SPON1: variants seen among roughly 807,000 people sequenced by gnomAD.
SPON1 encodes spondin-1.
Under a neutral mutation model 111.7 loss-of-function variants are expected in SPON1, and 52 were observed. The ratio of observed to expected loss-of-function variants is 0.47; its 90% CI spans 0.37 to 0.59. SPON1 has a LOEUF of 0.59. Ranked by LOEUF, SPON1 falls within the 20% of genes least tolerant of loss-of-function variation. The pLI is 0.00. For synonymous variants in SPON1, 410 were observed against 395.8 expected (o/e 1.04, Z -0.43); for missense variants, 957 against 1,068.5 (o/e 0.90, Z 1.46).
chr11:13,980,997 T>C (rs1848139575), intron 1 of SPON1, among the ~76,000 whole-genome samples: 1 of 152,210 alleles, frequency 6.6e-6, no homozygotes, highest in African/African-American at 2.4e-5. Flanking sequence ...AGTCTGTAAC[T>C]CCATATCTAA....
chr11:14,258,140 CA>C (rs1299630286), intron 11 of SPON1, among the ~76,000 whole-genome samples: 4 of 152,254 alleles, frequency 2.6e-5, no homozygotes, highest in Non-Finnish European at 4.4e-5. Flanking sequence ...GAAGAGCTAA[CA>C]AACATAGATA....
intron 5 of SPON1, among the ~76,000 whole-genome samples, chr11:14,110,917 G>A (rs533876477): frequency 1.3e-4 from 20 of 152,224 alleles, no homozygotes; most frequent in Admixed American, 9.2e-4. Flanking sequence ...TTTCCCTGAG[G>A]GCAGAGACTA....
At chr11:14,080,189 T>C (rs1848951018) in intron 5 of SPON1, among the ~76,000 whole-genome samples, 168 bp downstream of exon 5, 2 of 152,156 alleles carry the variant, frequency 1.3e-5, no homozygotes. Context: ...AGACATTATA[T>C]GGGTATGCTT....
At position 14,192,246 on chromosome 11, in the gene SPON1, GATAT is replaced by G. The variant is rs35202633; in HGVS notation, c.826-51065_826-51062del. ...GGCTAAAAGACAAGGTATCATTAGG[GATAT>G]ATATATATATATATATATATTAGGA... On this transcript the variant is annotated intron_variant, in intron 6 of 15. Transcript: ENST00000576479. Among the ~76,000 whole-genome samples the G allele has an allele frequency of 9.5e-3, 1,369 of 143,630 alleles. 13 individuals carry two copies. Among genetic ancestry groups the G allele is most frequent in the Middle Eastern group, 0.025 (7 of 280 alleles). The allele number at this position is 143,630 out of a possible 152,430, so 94.2% of individuals were successfully genotyped here.
chr11:14,261,801 G>A (rs776701407), intron 14 of SPON1, among the ~76,000 whole-genome samples: 1 of 152,070 alleles, frequency 6.6e-6, no homozygotes, highest in African/African-American at 2.4e-5. Flanking sequence ...AATTTATGGA[G>A]CACTTACAGG....
At chr11:14,248,543 C>T (rs1554940422) in intron 7 of SPON1, among the ~76,000 whole-genome samples, 1 of 152,170 alleles carries the variant, frequency 6.6e-6, no homozygotes, top group Non-Finnish European at 1.5e-5. Context: ...CTCGGCGCTA[C>T]TGGCTTGTTA....
intron 5 of SPON1, 32 bp downstream of exon 5, chr11:14,080,053 A>C: frequency 6.2e-7 from 1 of 1,613,146 alleles, no homozygotes; most frequent in Non-Finnish European, 8.5e-7. Flanking sequence ...TGGTTTGGGG[A>C]AAAGCACATT....
chr11:14,078,920 T>C (rs1459160282), intron 4 of SPON1, among the ~76,000 whole-genome samples: 4 of 152,194 alleles, frequency 2.6e-5, no homozygotes, highest in African/African-American at 9.6e-5. Flanking sequence ...AAAGGAAGTC[T>C]TGTAAAATGC....
At chr11:14,102,572 A>G (rs1591376097) in intron 5 of SPON1, among the ~76,000 whole-genome samples, 1 of 152,228 alleles carries the variant, frequency 6.6e-6, no homozygotes, top group African/African-American at 2.4e-5. Flanking sequence ...AATCAAAAAT[A>G]AAAATTCTGG....
intron 2 of SPON1, among the ~76,000 whole-genome samples, chr11:13,999,815 GT>G (rs1228503520): frequency 6.6e-6 from 1 of 152,126 alleles, no homozygotes; most frequent in Non-Finnish European, 1.5e-5. Flanking sequence ...CTTTGTCTTG[GT>G]TTTTCCCTTG....
chr11:14,229,951 CGTGTGTGTGTGT>C lies in SPON1; in HGVS notation c.826-13354_826-13343del, dbSNP rs55709324. 8.6e-3 allele frequency among the ~76,000 whole-genome samples: 1,251 copies of C among 145,064 alleles called. 14 individuals are homozygous for C. The highest frequency in any genetic ancestry group is 0.03 in the African/African-American group (1,158 of 38,908). ...GTGTCTGTCTGTCTGTCTGTGTGTCCGTGTGTGTGTGTGTGTGTGTGTGTGTGTGTGTGTGTG... is the reference window on the plus strand; with the variant it reads ...GTGTCTGTCTGTCTGTCTGTGTGTCCGTGTGTGTGTGTGTGTGTGTGTGTG... On this transcript the variant is annotated intron_variant, in intron 6 of 15. Transcript: ENST00000576479.
At position 14,057,838 on chromosome 11, in the gene SPON1, A is replaced by AAAAAAAAAAAAAAC. The variant is rs1318170668; in HGVS notation, c.479+16189_479+16190insAAAAAAAACAAAAA. On this transcript the variant is annotated intron_variant, in intron 3 of 15. Coordinates refer to ENST00000576479, the MANE Select transcript of SPON1 (RefSeq NM_006108.4). ...AGTGAGACCTTGTCTCTACAAAAAA[A>AAAAAAAAAAAAAAC]AAAAACAAAACAAAAACTTAAAAAT... is the stretch of plus-strand genomic sequence containing the variant. Among the ~76,000 whole-genome samples, 26 of 117,744 alleles carry AAAAAAAAAAAAAAC rather than the reference A, an allele frequency of 2.2e-4. 1 individual carries two copies. The highest frequency in any genetic ancestry group is 5.9e-4 in the Admixed American group (7 of 11,780). The allele number at this position is 117,744 out of a possible 152,430, so 77.2% of individuals were successfully genotyped here.
intron 3 of SPON1, among the ~76,000 whole-genome samples, chr11:14,050,294 T>G (rs942929673): frequency 1.3e-5 from 2 of 152,212 alleles, no homozygotes; most frequent in Non-Finnish European, 2.9e-5. Context: ...TCAATTTCAT[T>G]CTTCTTTGTG....
chr11:14,265,269 T>C (rs563706076), intron 15 of SPON1, among the ~76,000 whole-genome samples: 5 of 152,336 alleles, frequency 3.3e-5, no homozygotes, highest in South Asian at 4.1e-4. Flanking sequence ...TGGCAAATCA[T>C]GTAGTCAAGC....
chr11:14,150,538 C>G (rs577446356), intron 6 of SPON1, among the ~76,000 whole-genome samples: 21 of 152,088 alleles, frequency 1.4e-4, no homozygotes, highest in African/African-American at 5.1e-4. Flanking sequence ...ACATTGTGTA[C>G]ATGTATCAAA....
intron 1 of SPON1, among the ~76,000 whole-genome samples, chr11:13,976,744 G>A (rs1848106417): frequency 6.6e-6 from 1 of 152,144 alleles, no homozygotes; most frequent in African/African-American, 2.4e-5. Context: ...ATAGAGTGTG[G>A]TGAATTATCA....
At chr11:14,202,621 G>T (rs116108098) in intron 6 of SPON1, among the ~76,000 whole-genome samples, 1 of 152,104 alleles carries the variant, frequency 6.6e-6, no homozygotes, top group African/African-American at 2.4e-5. Context: ...TAACCTGTTC[G>T]TCCCTTTGAG....
chr11:14,181,788 T>C (rs1193535393), intron 6 of SPON1, among the ~76,000 whole-genome samples: 3 of 152,204 alleles, frequency 2.0e-5, no homozygotes, highest in African/African-American at 7.2e-5. Context: ...TGACTCCTAT[T>C]GTATTTGCTA....
chr11:13,963,187 C>A (rs141482815), intron 1 of SPON1, 45 bp downstream of exon 1: 1 of 1,389,328 alleles, frequency 7.2e-7, no homozygotes, highest in Non-Finnish European at 9.5e-7. Flanking sequence ...GGACCCGGTC[C>A]CCGGAGGGCG....
Sources: gnomAD v4.1 joint callset for allele counts (sites outside exome capture counted in the v4.1 genomes callset) on GRCh38, gnomAD v4.1.1 for gene constraint, MANE v1.5 for transcripts, NCBI Gene and HGNC (gene_info 2026-07-23, HGNC 2026-07-21) for gene names.